The following ECSIT variants were observed in gnomAD, a reference collection of about 807,000 sequenced individuals.
ECSIT encodes evolutionarily conserved signaling intermediate in Toll pathway, mitochondrial.
Under a neutral mutation model 36.8 loss-of-function variants are expected in ECSIT, and 29 were observed. The observed-to-expected ratio is 0.79, with a 90% CI of 0.59 to 1.08. ECSIT has a LOEUF of 1.08. Ranked by LOEUF, ECSIT falls within the 50% of genes least tolerant of loss-of-function variation. The pLI is 0.00. For missense variants in ECSIT, 542 were observed against 581.0 expected (o/e 0.93, Z 0.69); for synonymous variants, 231 against 234.8 (o/e 0.98, Z 0.15).
intron 1 of ECSIT, among the ~76,000 whole-genome samples, chr19:11,522,703 A>G (rs1347990503): frequency 3.3e-5 from 5 of 151,524 alleles, no homozygotes; most frequent in Admixed American, 2.0e-4. Context: ...ACCGAGTGAG[A>G]CTCTGTCTCA....
At chr19:11,514,721 C>T (rs547939458) in intron 2 of ECSIT, among the ~76,000 whole-genome samples, 1 of 152,162 alleles carries the variant, frequency 6.6e-6, no homozygotes, top group Non-Finnish European at 1.5e-5. Context: ...GGGAGTCGCA[C>T]TATTTTGCCC....
intron 7 of ECSIT, 152 bp downstream of exon 7, chr19:11,507,305 C>T: frequency 1.8e-6 from 1 of 549,916 alleles, no homozygotes; most frequent in Non-Finnish European, 3.2e-6. Flanking sequence ...TTTTTTGACA[C>T]AGGGTCTATC....
At chr19:11,508,584 T>G (rs898484618) in intron 4 of ECSIT, among the ~76,000 whole-genome samples, 16 of 151,948 alleles carry the variant, frequency 1.1e-4, no homozygotes, top group African/African-American at 3.9e-4. Flanking sequence ...AATGGAGTTT[T>G]GCTCATTACC....
intron 1 of ECSIT, among the ~76,000 whole-genome samples, chr19:11,524,807 G>C (rs1972180075): frequency 6.6e-6 from 1 of 151,938 alleles, no homozygotes; most frequent in Admixed American, 6.6e-5. Context: ...TTGGGTGACA[G>C]AGTGAGACCC....
chr19:11,524,016 C>T (rs557156457), intron 1 of ECSIT, among the ~76,000 whole-genome samples: 7 of 152,148 alleles, frequency 4.6e-5, no homozygotes, highest in Admixed American at 3.9e-4. Flanking sequence ...GACCTCCCAA[C>T]TCAAGCAATC....
At chr19:11,520,402 C>T (rs1051800421) in intron 1 of ECSIT, among the ~76,000 whole-genome samples, 6 of 152,242 alleles carry the variant, frequency 3.9e-5, no homozygotes, top group Middle Eastern at 3.4e-3. Flanking sequence ...GAACTCCTGA[C>T]CTCAAGTGAT....
chr19:11,507,920 A>C (rs1971788935), intron 5 of ECSIT, 70 bp from the exon 6 acceptor site: 4 of 1,613,870 alleles, frequency 2.5e-6, no homozygotes, highest in Non-Finnish European at 3.4e-6. Context: ...AGCCCAGCCT[A>C]GGCCCAGCGA....
At chr19:11,515,445 C>T (rs992904303) in intron 2 of ECSIT, among the ~76,000 whole-genome samples, 1 of 151,472 alleles carries the variant, frequency 6.6e-6, no homozygotes, top group African/African-American at 2.4e-5. Context: ...GCCACTGTAC[C>T]CAGCCCCTTC....
At chr19:11,523,589 C>A in intron 1 of ECSIT, 3 of 971,572 alleles carry the variant, frequency 3.1e-6, no homozygotes, top group Non-Finnish European at 4.9e-6. Flanking sequence ...TCTTTGTGTG[C>A]TTGATCCAAC....
chr19:11,523,292 T>C, intron 1 of ECSIT: 1 of 231,800 alleles, frequency 4.3e-6, no homozygotes, highest in Non-Finnish European at 8.1e-6. Context: ...TTTTCTTTTC[T>C]TCAGCTTATT....
chr19:11,516,276 C>G (rs1254227457), intron 2 of ECSIT: 1 of 152,186 alleles, frequency 6.6e-6, no homozygotes, highest in African/African-American at 2.4e-5. Context: ...CTCCTGGGCT[C>G]AAGTGATCCT....
At chr19:11,510,107 T>A (rs113285175) in intron 4 of ECSIT, among the ~76,000 whole-genome samples, 40,040 of 151,632 alleles carry the variant, frequency 0.26, 10,109 homozygotes, top group African/African-American at 0.66. Context: ...TCCCAACCTC[T>A]GGTGATCTGC....
chr19:11,522,323 C>T, intron 1 of ECSIT: 1 of 712,140 alleles, frequency 1.4e-6, no homozygotes, highest in South Asian at 1.5e-5. Flanking sequence ...CGGTACCCCA[C>T]CTGGACCCAT....
chr19:11,526,254 C>T (rs572881887), intron 1 of ECSIT, among the ~76,000 whole-genome samples: 49 of 152,228 alleles, frequency 3.2e-4, no homozygotes, highest in African/African-American at 1.2e-3. Context: ...TGAGCCACTG[C>T]GCCAGGCCCA....
Position 11,506,244 on chromosome 19 carries a change from C to A in ECSIT, c.1236G>T (p.Leu412=). 6.2e-7 allele frequency: 1 copy of A among 1,610,056 alleles called. No homozygotes were observed. The change falls in exon 8 of 8, where the codon CTG becomes CTT. Residue 412 remains leucine, a synonymous_variant. Coordinates refer to ENST00000270517, the MANE Select transcript of ECSIT (RefSeq NM_016581.5). ...TSSAGLEEPP[L]PEDHQEEDDN... ...CGTCTTCTTCCTGGTGGTCCTCGGG[C>A]AGGGGCGGCTCCTCCAGCCCTGCAG...
At position 11,510,347 on chromosome 19, in the gene ECSIT, C is replaced by T. The variant is rs1463150558; in HGVS notation, c.739-2299G>A. 3.3e-5 allele frequency among the ~76,000 whole-genome samples: 5 copies of T among 150,918 alleles called. No homozygotes were observed. The East Asian group carries it at 7.9e-4, about 24-fold the overall frequency. ...TGCACCACCACTCCCAGCTAATTTT[C>T]GTATTTTTTTGGTAGAGATGGGGTC... On this transcript the variant is annotated intron_variant, in intron 4 of 7. Transcript: ENST00000270517.
chr19:11,519,128 T>C lies in ECSIT; in HGVS notation c.43A>G (p.Arg15Gly). 6.4e-7 allele frequency: 1 copy of C among 1,550,740 alleles called. No individual in the cohort carries two copies. The stretch of plus-strand genomic sequence containing the variant: ...GCCCCGCAGGTGCCTCCCCAGGCCC[T>C]ACAGAGGCCTCGGGCCAGTAGGGTG... ...QATLLARGLC[R>G]AWGGTCGAAL... Residue 15 changes from arginine to glycine, a missense_variant, in exon 2 of 8, where the codon AGG (arginine) becomes GGG (glycine). Coordinates refer to ENST00000270517, the MANE Select transcript of ECSIT (RefSeq NM_016581.5). The surrounding 1 kb of genome is among the most constrained non-coding windows in gnomAD (Gnocchi z 4.4).
chr19:11,525,822 G>A (rs980953109), intron 1 of ECSIT: 1 of 151,724 alleles, frequency 6.6e-6, no homozygotes, highest in African/African-American at 2.4e-5. Context: ...GGCTGAGGCA[G>A]GAGAATTGCT....
intron 2 of ECSIT, among the ~76,000 whole-genome samples, chr19:11,514,515 T>G (rs559699009): frequency 1.2e-4 from 15 of 130,388 alleles, no homozygotes; most frequent in South Asian, 1.1e-3. Flanking sequence ...GGTTTTTTTT[T>G]GGGTTTTTTT....
Sources: gnomAD v4.1 joint callset for allele counts (sites outside exome capture counted in the v4.1 genomes callset) on GRCh38, gnomAD v4.1.1 for gene constraint, Gnocchi (gnomAD v3.1) non-coding constraint, MANE v1.5 for transcripts, NCBI Gene and HGNC (gene_info 2026-07-23, HGNC 2026-07-21) for gene names.